MDN1: variants seen among roughly 807,000 people sequenced by gnomAD.
MDN1 encodes the protein midasin AAA ATPase 1, also known as midasin.
MDN1 carries 266 observed loss-of-function variants against 669.2 expected under a neutral mutation model. The ratio of observed to expected loss-of-function variants is 0.40; its 90% CI spans 0.36 to 0.44. The LOEUF is 0.44. MDN1 is among the 20% of genes least tolerant of loss of function. The pLI, the probability that MDN1 is intolerant of heterozygous loss-of-function variation, is 1.00. For synonymous variants in MDN1, 2,385 were observed against 2,457.1 expected (o/e 0.97, Z 0.87); for missense variants, 5,940 against 6,754.0 (o/e 0.88, Z 4.22).
chr6:89,678,970 A>G (rs1328113602), intron 74 of MDN1, among the ~76,000 whole-genome samples: 1 of 152,236 alleles, frequency 6.6e-6, no homozygotes, highest in Non-Finnish European at 1.5e-5. Context: ...AACACACAGG[A>G]TTTCAAATCT....
Position 89,772,620 on chromosome 6 carries a change from G to A in MDN1, c.2036C>T (p.Thr679Ile), listed in dbSNP as rs538044940. 4 of 1,614,122 alleles carry A rather than the reference G, an allele frequency of 2.5e-6. No individual in the cohort carries two copies. In the South Asian group the frequency reaches 4.4e-5, roughly 18 times the overall value. The change falls in exon 14 of 102, where the codon ACC becomes ATC. Residue 679 changes from threonine (T) to isoleucine (I), a missense_variant. Thr to Ile is a moderately conservative substitution (Grantham distance 89). Around this residue, in one of 5 missense-constraint regions of MDN1, gnomAD observed 1,203 missense variants for 1,268.9 expected, o/e 0.95. Transcript: ENST00000369393. The stretch of plus-strand genomic sequence containing the variant: ...GATGGTAGAGGTTTTGCCAGTCCCG[G>A]TCTCTCCCACCAGCAACACAGGCTC... ...KGEPVLLVGE[T>I]GTGKTSTIQY...
intron 89 of MDN1, 113 bp downstream of exon 89, chr6:89,658,496 CG>C (rs1809489511): frequency 2.0e-6 from 3 of 1,529,152 alleles, no homozygotes; most frequent in East Asian, 2.3e-5. Context: ...TAGAACTCCT[CG>C]GAAGTGCCAC....
chr6:89,706,895 T>C (rs1813553236), intron 52 of MDN1, among the ~76,000 whole-genome samples: 1 of 152,206 alleles, frequency 6.6e-6, no homozygotes, highest in Non-Finnish European at 1.5e-5. Context: ...TCAATTTTTA[T>C]ACTTTAATAG....
intron 5 of MDN1, among the ~76,000 whole-genome samples, chr6:89,792,054 G>A (rs1023644342): frequency 1.1e-4 from 16 of 151,738 alleles, no homozygotes; most frequent in African/African-American, 2.9e-4. Flanking sequence ...ATTTTTAGTA[G>A]AGACGGGGTT....
intron 50 of MDN1, among the ~76,000 whole-genome samples, 154 bp downstream of exon 50, chr6:89,710,506 AAAAAAAAAAAAAAGAAATTTC>A (rs1325637032): frequency 1.1e-5 from 1 of 94,070 alleles, no homozygotes; most frequent in Non-Finnish European, 2.6e-5. Context: ...CTGTCCCTTT[AAAAAAAAAAAAAAGAAATTTC>A]AAAAAAAAAG....
rs1808927747 is a variant in MDN1, at chr6:89,652,256, A to G, written c.15851T>C (p.Leu5284Pro). The G allele has an allele frequency of 6.2e-7, 1 of 1,613,912 alleles. No individual in the cohort carries two copies. The highest frequency in any genetic ancestry group is 8.5e-7 in the Non-Finnish European group (1 of 1,179,970). ...FQPFLKDVNE[L>P]RQELERQLEM... is the part of the protein sequence containing the mutation. ...CAGCTGTCTCTCCAGCTCCTGTCTT[A>G]GCTCATTGACATCTTTTAAAAAGGG... The change falls in exon 95 of 102, where the codon CTA (leucine) becomes CCA (proline). Residue 5284 changes from leucine to proline, a missense_variant. Transcript: ENST00000369393.
Position 89,687,024 on chromosome 6 carries a change from C to T in MDN1, c.11451-1G>A, listed in dbSNP as rs1340498616. ...ATTATCCAAACTCATGGACCAGCAG[C>T]TGAAACGAGAAGAAGCCAAGGAGGC... On this transcript the variant is annotated splice_acceptor_variant, in intron 68 of 101. Coordinates refer to ENST00000369393, the MANE Select transcript of MDN1 (RefSeq NM_014611.3). LOFTEE classifies it high-confidence loss of function. 6.2e-7 allele frequency: 1 copy of T among 1,611,392 alleles called. No homozygotes were observed.
rs756557041 is a variant in MDN1 at position 89,750,444 on chromosome 6, C to T, written c.3316G>A (p.Val1106Met). 1 of 1,614,050 alleles carries T rather than the reference C, an allele frequency of 6.2e-7. No individual in the cohort carries two copies. ...WLAAATGNHC[V>M]RINNHEHTDI... ...GTGTGTTCGTGATTATTAATACGCA[C>T]ACAGTGGTTGCCAGTAGCTGCAGCC... is the stretch of plus-strand genomic sequence containing the variant. Residue 1106 changes from valine to methionine, a missense_variant, in exon 24 of 102, where the codon GTG becomes ATG. Transcript: ENST00000369393.
intron 38 of MDN1, among the ~76,000 whole-genome samples, chr6:89,724,695 G>A (rs951199173): frequency 1.3e-5 from 2 of 152,140 alleles, no homozygotes; most frequent in African/African-American, 2.4e-5. Flanking sequence ...CTGAAAAACT[G>A]ATGTTAAAAC....
intron 1 of MDN1, among the ~76,000 whole-genome samples, chr6:89,813,731 G>A (rs1768612366): frequency 6.6e-6 from 1 of 151,800 alleles, no homozygotes; most frequent in African/African-American, 2.4e-5. Flanking sequence ...GTTTCGGGCA[G>A]GGGAAGCATT....
Position 89,708,552 on chromosome 6 carries a change from G to T in MDN1, c.7842C>A (p.Asp2614Glu). 1 of 1,614,066 alleles carries T rather than the reference G, an allele frequency of 6.2e-7. No homozygotes were observed. ...LDMIRNLMDF[D>E]PQTDQPDQLF... The stretch of plus-strand genomic sequence containing the variant: ...GCTGGTCAGGCTGGTCCGTTTGTGG[G>T]TCAAAGTCCATCAAATTTCTAATCA... The change falls in exon 51 of 102, where the codon GAC becomes GAA. Residue 2614 changes from aspartate (D) to glutamate (E), a missense_variant. By Grantham distance (45) the Asp-to-Glu change is conservative. Around this residue, in one of 5 missense-constraint regions of MDN1, gnomAD observed 2,292 missense variants for 2,638.3 expected, o/e 0.87. Coordinates refer to ENST00000369393, the MANE Select transcript of MDN1 (RefSeq NM_014611.3).
rs181313833 is a variant in MDN1 at position 89,702,787 on chromosome 6, A to G, written c.8149-726T>C. 5.3e-3 allele frequency among the ~76,000 whole-genome samples: 800 copies of G among 152,300 alleles called. 6 individuals are homozygous for G. Among genetic ancestry groups the G allele is most frequent in the Non-Finnish European group, 9.3e-3 (631 of 68,010 alleles). ...TCAATTTATCAATTTTTTTTCATTT[A>G]GAAAGAATCCTAAAAAATCTTTGCC... On this transcript the variant is annotated intron_variant, in intron 53 of 101. Transcript: ENST00000369393.
intron 36 of MDN1, among the ~76,000 whole-genome samples, chr6:89,728,420 G>C (rs1057223184): frequency 2.0e-5 from 3 of 152,182 alleles, no homozygotes; most frequent in African/African-American, 7.2e-5. Context: ...TCTCGAAAGA[G>C]AATTAGAATA....
In MDN1 at chr6:89,745,513, C is replaced by G; in HGVS notation, c.4018G>C (p.Glu1340Gln). The G allele has an allele frequency of 6.2e-7, 1 of 1,614,036 alleles. No individual in the cohort carries two copies. Among genetic ancestry groups the G allele is most frequent in the Non-Finnish European group, 8.5e-7 (1 of 1,179,952 alleles). Residue 1340 changes from glutamate (E) to glutamine (Q), a missense_variant, in exon 28 of 102, where the codon GAA (glutamate) becomes CAA (glutamine). Glu to Gln is a conservative substitution (Grantham distance 29). This residue lies in a region of MDN1 where 2,292 missense variants were observed against 2,638.3 expected (regional missense o/e 0.87). Coordinates refer to ENST00000369393, the MANE Select transcript of MDN1 (RefSeq NM_014611.3). ...TCACCCAGCAATTTTAGAACATTTT[C>G]TTTGGAGAAAAGAGATTGAGGACAC... ...KLCPQSLFSK[E>Q]NVLKLLGKLS... is the part of the protein sequence containing the mutation.
At chr6:89,749,995 G>A (rs1183858789) in intron 24 of MDN1, among the ~76,000 whole-genome samples, 6 of 152,172 alleles carry the variant, frequency 3.9e-5, no homozygotes, top group Admixed American at 2.0e-4. Context: ...TATTTCTTGT[G>A]TAATCTTTCC....
intron 35 of MDN1, among the ~76,000 whole-genome samples, chr6:89,729,677 G>GTTTTTTTTTTTTTTTTTTTTT (rs35914010): frequency 8.9e-5 from 9 of 100,758 alleles, no homozygotes; most frequent in Admixed American, 1.2e-4. Context: ...TTTTGTTTTC[G>GTTTTTTTTTTTTTTTTTTTTT]TTTTTTTTTT....
At chr6:89,654,005 G>C (rs1809068714) in intron 93 of MDN1, among the ~76,000 whole-genome samples, 159 bp downstream of exon 93, 1 of 152,062 alleles carries the variant, frequency 6.6e-6, no homozygotes, top group Non-Finnish European at 1.5e-5. Context: ...TTTGTTTTCT[G>C]GTCCCAAACA....
At position 89,668,016 on chromosome 6, in the gene MDN1, G is replaced by T; in HGVS notation, c.14092C>A (p.Gln4698Lys). ...TGTATACCTATGTGAAAACGTACCT[G>T]TTCTTCATTTCCGATCTGGTCACTC... ...DVSDQIGNEEQVEDTFQKGQE... is the reference protein window; with the variant it reads ...DVSDQIGNEEKVEDTFQKGQE... The change falls in exon 84 of 102, where the codon CAG becomes AAG. Residue 4698 changes from glutamine to lysine, a missense_variant and splice_region_variant. Around this residue, in one of 5 missense-constraint regions of MDN1, gnomAD observed 2,280 missense variants for 2,576.3 expected, o/e 0.88. Coordinates refer to ENST00000369393, the MANE Select transcript of MDN1 (RefSeq NM_014611.3). The T allele has an allele frequency of 6.2e-7, 1 of 1,613,328 alleles. No homozygotes were observed. The highest frequency in any genetic ancestry group is 2.2e-5 in the East Asian group (1 of 44,878).
At chr6:89,798,450 C>A (rs1819731704) in intron 2 of MDN1, among the ~76,000 whole-genome samples, 1 of 150,792 alleles carries the variant, frequency 6.6e-6, no homozygotes, top group South Asian at 2.1e-4. Flanking sequence ...TGCGGTGAGC[C>A]AAGATTGCAC....
Sources: allele counts gnomAD v4.1 joint callset (sites outside exome capture counted in the v4.1 genomes callset), GRCh38; gene constraint gnomAD v4.1.1; regional missense constraint gnomAD v4.1.1; transcripts MANE v1.5; gene names NCBI Gene and HGNC (gene_info 2026-07-23, HGNC 2026-07-21).